MYLK: variants seen among roughly 807,000 people sequenced by gnomAD.
The protein encoded by MYLK is myosin light chain kinase, also known as myosin light chain kinase, smooth muscle.
In MYLK, 106 loss-of-function variants were observed where a neutral mutation model predicts 203.4. The ratio of observed to expected loss-of-function variants is 0.52; its 90% CI spans 0.45 to 0.61. MYLK has a LOEUF of 0.61. Ranked by LOEUF, MYLK falls within the 20% of genes least tolerant of loss-of-function variation. The pLI is 0.00. For synonymous variants in MYLK, 867 were observed against 959.5 expected (o/e 0.90, Z 1.78); for missense variants, 2,072 against 2,442.3 (o/e 0.85, Z 3.20).
At chr3:123,853,862 G>A (rs2031095646) in intron 2 of MYLK, among the ~76,000 whole-genome samples, 1 of 152,060 alleles carries the variant, frequency 6.6e-6, no homozygotes, top group Admixed American at 6.6e-5. Context: ...GTCAAGATGT[G>A]GAGTCTATTT....
At chr3:123,833,663 G>A (rs1242660773) in intron 2 of MYLK, among the ~76,000 whole-genome samples, 1 of 152,076 alleles carries the variant, frequency 6.6e-6, no homozygotes, top group Non-Finnish European at 1.5e-5. Flanking sequence ...CAAATAATTA[G>A]AAGCCACTCA....
chr3:123,736,396 C>T (rs2062674053), intron 8 of MYLK, among the ~76,000 whole-genome samples: 2 of 152,062 alleles, frequency 1.3e-5, no homozygotes, highest in African/African-American at 4.8e-5. Context: ...AAGAGAGGGA[C>T]AAAGAAGGAG....
chr3:123,638,171 G>A lies in MYLK; in HGVS notation c.4861C>T (p.Leu1621Phe), dbSNP rs1359543761. ...GCCACAAATTCTGGGGTGCCAAAGAGGACCTTCAGAGACCCCGCATTCTCT... is the reference window on the plus strand; with the variant it reads ...GCCACAAATTCTGGGGTGCCAAAGAAGACCTTCAGAGACCCCGCATTCTCT... ...RLENAGSLKV[L>F]FGTPEFVAPE... The change falls in exon 29 of 34, where the codon CTC becomes TTC. Residue 1621 changes from leucine to phenylalanine, a missense_variant. By Grantham distance (22) the Leu-to-Phe change is conservative. Around this residue, in one of 3 missense-constraint regions of MYLK, gnomAD observed 524 missense variants for 782.4 expected, o/e 0.67. Coordinates refer to ENST00000360304, the MANE Select transcript of MYLK (RefSeq NM_053025.4). 1 of 1,613,864 alleles carries A rather than the reference G, an allele frequency of 6.2e-7. No individual in the cohort carries two copies. Among genetic ancestry groups the A allele is most frequent in the East Asian group, 2.2e-5 (1 of 44,874 alleles).
Position 123,845,298 on chromosome 3 carries a change from G to T in MYLK, c.-126-13628C>A, listed in dbSNP as rs189940365. On this transcript the variant is annotated intron_variant, in intron 2 of 33. Transcript: ENST00000360304. ...ATTGGAATAAAGAAGACTTTGCAGAGAGACTGGTACCCTCTAGGAGTGTCC... is the reference window on the plus strand; with the variant it reads ...ATTGGAATAAAGAAGACTTTGCAGATAGACTGGTACCCTCTAGGAGTGTCC... Among the ~76,000 whole-genome samples the T allele has an allele frequency of 3.2e-3, 483 of 152,270 alleles. 2 individuals carry two copies. The highest frequency in any genetic ancestry group is 5.0e-3 in the Non-Finnish European group (340 of 68,010).
intron 32 of MYLK, among the ~76,000 whole-genome samples, chr3:123,619,255 T>G (rs2057705978): frequency 6.6e-6 from 1 of 152,190 alleles, no homozygotes; most frequent in African/African-American, 2.4e-5. Context: ...CTTCATGCTG[T>G]GTGACTGTGG....
chr3:123,615,635 G>A (rs1240699354), intron 33 of MYLK, among the ~76,000 whole-genome samples: 4 of 134,258 alleles, frequency 3.0e-5, no homozygotes, highest in South Asian at 2.6e-4. Flanking sequence ...GTGCTCGGCC[G>A]AAAATACAAT....
At chr3:123,717,127 T>G (rs1230777380) in intron 13 of MYLK, among the ~76,000 whole-genome samples, 1 of 152,244 alleles carries the variant, frequency 6.6e-6, no homozygotes, top group Non-Finnish European at 1.5e-5. Context: ...TGTAAGTATT[T>G]AAGAAGTTGT....
chr3:123,863,269 C>T (rs1440910929), intron 2 of MYLK, among the ~76,000 whole-genome samples: 2 of 143,600 alleles, frequency 1.4e-5, no homozygotes, highest in African/African-American at 5.2e-5. Context: ...AACATAAAAA[C>T]TATAGTTATA....
intron 13 of MYLK, among the ~76,000 whole-genome samples, chr3:123,711,772 G>A (rs574353841): frequency 6.6e-6 from 1 of 152,158 alleles, no homozygotes; most frequent in Non-Finnish European, 1.5e-5. Flanking sequence ...CTGGGGAAAG[G>A]GCCACAGGCA....
chr3:123,717,417 T>C (rs1361077853), intron 13 of MYLK, among the ~76,000 whole-genome samples: 1 of 152,236 alleles, frequency 6.6e-6, no homozygotes, highest in African/African-American at 2.4e-5. Context: ...ATTCTAGAGA[T>C]GATCTTTTCA....
intron 13 of MYLK, among the ~76,000 whole-genome samples, chr3:123,710,859 A>C (rs1232302356): frequency 6.6e-6 from 1 of 152,242 alleles, no homozygotes; most frequent in Non-Finnish European, 1.5e-5. Context: ...AAATTGTGAT[A>C]TATCCACACA....
At chr3:123,793,206 G>A (rs2064850468) in intron 4 of MYLK, among the ~76,000 whole-genome samples, 1 of 152,176 alleles carries the variant, frequency 6.6e-6, no homozygotes, top group African/African-American at 2.4e-5. Flanking sequence ...GGTGACAGAA[G>A]TGAAATGAGA....
intron 20 of MYLK, among the ~76,000 whole-genome samples, chr3:123,676,027 C>G (rs1424529549): frequency 6.6e-6 from 1 of 152,264 alleles, no homozygotes; most frequent in African/African-American, 2.4e-5. Context: ...TGATTACATC[C>G]ATTCCCAAAC....
Position 123,692,814 on chromosome 3 carries a change from A to C in MYLK, c.3486T>G (p.Pro1162=), listed in dbSNP as rs2060733142. ...LCSVSIEKAL[P]EDRGLYKCVA... is the part of the protein sequence containing the mutation. ...CACACTTGTATAAGCCTCTGTCCTC[A>C]GGCAGTGCCTTCTCGATGGAGACGG... is the stretch of plus-strand genomic sequence containing the variant. The change falls in exon 19 of 34, where the codon CCT becomes CCG. Residue 1162 remains proline, a synonymous_variant. Transcript: ENST00000360304. 2 of 1,613,974 alleles carry C rather than the reference A, an allele frequency of 1.2e-6. No homozygotes were observed. Among genetic ancestry groups the C allele is most frequent in the Non-Finnish European group, 1.7e-6 (2 of 1,179,992 alleles).
rs41301337 is a variant in MYLK, at chr3:123,640,516, C to T, written c.4620-12G>A. ...CCCCTCCTGACACGCTGCGGGAACA[C>T]GTGCACGGGGTGGTCAGGCCACAGG... is the stretch of plus-strand genomic sequence containing the variant. On this transcript the variant is annotated splice_polypyrimidine_tract_variant and intron_variant, in intron 27 of 33. Coordinates refer to ENST00000360304, the MANE Select transcript of MYLK (RefSeq NM_053025.4). The surrounding 1 kb of genome is among the most constrained non-coding windows in gnomAD (Gnocchi z 4.3). The T allele has an allele frequency of 0.032, 51,591 of 1,613,558 alleles. 974 individuals carry two copies. Among genetic ancestry groups the T allele is most frequent in the Non-Finnish European group, 0.037 (43,124 of 1,179,984 alleles).
chr3:123,875,822 G>A (rs750148442), intron 2 of MYLK, among the ~76,000 whole-genome samples: 2 of 152,082 alleles, frequency 1.3e-5, no homozygotes, highest in African/African-American at 2.4e-5. Flanking sequence ...AGAATACACC[G>A]AAACTAGGAA....
At chr3:123,704,062 C>T (rs1425148923) in intron 16 of MYLK, among the ~76,000 whole-genome samples, 1 of 152,226 alleles carries the variant, frequency 6.6e-6, no homozygotes, top group Non-Finnish European at 1.5e-5. Context: ...GGAGCACAGA[C>T]TCAGACAAGC....
chr3:123,819,985 T>C (rs1259854753), intron 3 of MYLK, among the ~76,000 whole-genome samples: 2 of 152,134 alleles, frequency 1.3e-5, no homozygotes, highest in Non-Finnish European at 2.9e-5. Flanking sequence ...TGAATAAAAC[T>C]TACGGAGAGC....
chr3:123,851,622 T>C (rs749819239), intron 2 of MYLK, among the ~76,000 whole-genome samples: 2 of 152,236 alleles, frequency 1.3e-5, no homozygotes, highest in African/African-American at 2.4e-5. Context: ...TAAAGTTGCT[T>C]ATCAGCTTAA....
Sources: allele counts gnomAD v4.1 joint callset (sites outside exome capture counted in the v4.1 genomes callset), GRCh38; gene constraint gnomAD v4.1.1; regional missense constraint gnomAD v4.1.1; non-coding constraint Gnocchi (gnomAD v3.1); transcripts MANE v1.5; gene names NCBI Gene and HGNC (gene_info 2026-07-23, HGNC 2026-07-21).